Variants in LPAR4 observed in about 807,000 individuals in gnomAD.
LPAR4 encodes the protein lysophosphatidic acid receptor 4, also known as G-protein coupled receptor 23.
A neutral mutation model predicts 9.2 loss-of-function variants in LPAR4; 14 were observed. The observed-to-expected ratio is 1.51, with a 90% CI of 1.00 to 2.37. The LOEUF is 2.37. Ranked by LOEUF, LPAR4 falls within the 30% of genes most tolerant of loss-of-function variation. The pLI is 0.00. For missense variants in LPAR4, 251 were observed against 272.1 expected (o/e 0.92, Z 0.55); for synonymous variants, 131 against 97.9 (o/e 1.34, Z -1.99).
In LPAR4 at chrX:78,755,045, T is replaced by C; in HGVS notation, c.176T>C (p.Val59Ala). ...ATCTTGGGTCTGATAACCAACAGTGTCTCTCTGTTTGTCTTCTGTTTCCGC... is the reference window on the plus strand; with the variant it reads ...ATCTTGGGTCTGATAACCAACAGTGCCTCTCTGTTTGTCTTCTGTTTCCGC... ...VFILGLITNS[V>A]SLFVFCFRMK... is the part of the protein sequence containing the mutation. The change falls in exon 5 of 5, where the codon GTC (valine) becomes GCC (alanine). Residue 59 changes from valine to alanine, a missense_variant. Coordinates refer to ENST00000614823, the MANE Select transcript of LPAR4 (RefSeq NM_001278000.3). 8.3e-7 allele frequency: 1 copy of C among 1,206,146 alleles called. No individual in the cohort carries two copies. Among genetic ancestry groups the C allele is most frequent in the Non-Finnish European group, 1.1e-6 (1 of 890,318 alleles).
chrX:78,757,278 C>A lies in LPAR4; in HGVS notation c.*1296C>A, dbSNP rs776307172. Among the ~76,000 whole-genome samples the A allele has an allele frequency of 2.7e-5, 3 of 111,584 alleles. No individual in the cohort carries two copies. The South Asian group carries it at 1.1e-3, about 41-fold the overall frequency. On this transcript the variant is annotated 3_prime_UTR_variant, in exon 5 of 5. Transcript: ENST00000614823. Reference sequence around the variant, plus strand: ...AACGCAGCTACCAAGTGGCTAAATTCGTCTCCTGGTTAGGAACAAGTTGTG... The same window carrying A: ...AACGCAGCTACCAAGTGGCTAAATTAGTCTCCTGGTTAGGAACAAGTTGTG...
chrX:78,752,960 T>C (rs1925135010), intron 4 of LPAR4, among the ~76,000 whole-genome samples: 1 of 111,465 alleles, frequency 9.0e-6, no homozygotes, highest in Non-Finnish European at 1.9e-5. Context: ...AGGAAACAAT[T>C]GTGGCCACTC....
Position 78,756,177 on chromosome X carries a change from A to G in LPAR4, c.*195A>G. 1 of 405,626 alleles carries G rather than the reference A, an allele frequency of 2.5e-6. No individual in the cohort carries two copies. Among genetic ancestry groups the G allele is most frequent in the Non-Finnish European group, 4.3e-6 (1 of 231,485 alleles). 33.4% of individuals were successfully genotyped at this position (405,626 alleles called of 1,213,427 possible). Reference sequence around the variant, plus strand: ...TAGGTCAAATCTAATTACAACAACCAAGATGGATTGCCAAACTCTTCTGCT... The same window carrying G: ...TAGGTCAAATCTAATTACAACAACCGAGATGGATTGCCAAACTCTTCTGCT... On this transcript the variant is annotated 3_prime_UTR_variant, in exon 5 of 5. Coordinates refer to ENST00000614823, the MANE Select transcript of LPAR4 (RefSeq NM_001278000.3).
Position 78,756,111 on chromosome X carries a change from G to T in LPAR4, c.*129G>T. On this transcript the variant is annotated 3_prime_UTR_variant, in exon 5 of 5. Transcript: ENST00000614823. ...TCCAGTCAGATACATTTGTTTGAAG[G>T]TATACTGTAGAGTTTTTATTGCTGT... 1 of 545,480 alleles carries T rather than the reference G, an allele frequency of 1.8e-6. No individual in the cohort carries two copies. Among genetic ancestry groups the T allele is most frequent in the South Asian group, 3.4e-5 (1 of 29,723 alleles). 45.0% of individuals were successfully genotyped at this position (545,480 alleles called of 1,213,427 possible).
intron 1 of LPAR4, among the ~76,000 whole-genome samples, chrX:78,748,248 AT>A (rs1924922025): frequency 8.9e-6 from 1 of 112,184 alleles, no homozygotes; most frequent in Non-Finnish European, 1.9e-5. Context: ...GACATACAGG[AT>A]TTTCAGGCTG....
Position 78,755,725 on chromosome X carries a change from G to A in LPAR4, c.856G>A (p.Glu286Lys). 8.3e-7 allele frequency: 1 copy of A among 1,210,842 alleles called. No individual in the cohort carries two copies. Among genetic ancestry groups the A allele is most frequent in the East Asian group, 3.0e-5 (1 of 33,818 alleles). The change falls in exon 5 of 5, where the codon GAA becomes AAA. Residue 286 changes from glutamate to lysine, a missense_variant. Transcript: ENST00000614823. ...CCAAGCTATTACTAATTGCTTTTTGGAAAGATTTGCAAAGATCATGTACCC... is the reference window on the plus strand; with the variant it reads ...CCAAGCTATTACTAATTGCTTTTTGAAAAGATTTGCAAAGATCATGTACCC... ...RSQAITNCFLERFAKIMYPIT... is the reference protein window; with the variant it reads ...RSQAITNCFLKRFAKIMYPIT...
Position 78,755,961 on chromosome X carries a change from A to G in LPAR4, c.1092A>G (p.Leu364=). The part of the protein sequence containing the change: ...SDQTTNNGGE[L]MLESTF ...AAACAACAAATAATGGTGGTGAATT[A>G]ATGCTAGAATCCACCTTTTAGGTAT... The change falls in exon 5 of 5, where the codon TTA becomes TTG. Residue 364 remains leucine, a synonymous_variant. Coordinates refer to ENST00000614823, the MANE Select transcript of LPAR4 (RefSeq NM_001278000.3). 1 of 1,204,642 alleles carries G rather than the reference A, an allele frequency of 8.3e-7. No homozygotes were observed. Among genetic ancestry groups the G allele is most frequent in the Non-Finnish European group, 1.1e-6 (1 of 890,932 alleles).
intron 1 of LPAR4, chrX:78,748,989 G>A (rs1198592977): frequency 9.0e-6 from 1 of 111,625 alleles, no homozygotes; most frequent in Non-Finnish European, 1.9e-5. Flanking sequence ...TTGCCAAGAA[G>A]GATGAGTTCA....
In LPAR4 at chrX:78,755,975, C is replaced by A. The variant is rs1410544466; in HGVS notation, c.1106C>A (p.Thr369Asn). 1 of 1,196,819 alleles carries A rather than the reference C, an allele frequency of 8.4e-7. No individual in the cohort carries two copies. Among genetic ancestry groups the A allele is most frequent in the African/African-American group, 1.8e-5 (1 of 56,796 alleles). The change falls in exon 5 of 5, where the codon ACC becomes AAC. Residue 369 changes from threonine (T) to asparagine (N), a missense_variant. Coordinates refer to ENST00000614823, the MANE Select transcript of LPAR4 (RefSeq NM_001278000.3). ...NNGGELMLES[T>N]F ...GGTGGTGAATTAATGCTAGAATCCA[C>A]CTTTTAGGTATGAGAAATGTGTTCA...
At chrX:78,750,293 A>G (rs1202443548) in intron 2 of LPAR4, 70 bp downstream of exon 2, 2 of 111,307 alleles carry the variant, frequency 1.8e-5, no homozygotes, top group Admixed American at 9.6e-5. Context: ...TAGAAAAATC[A>G]TTTCAGGAGA....
rs1192906291 is a variant in LPAR4 at position 78,756,870 on chromosome X, G to C, written c.*888G>C. Reference sequence around the variant, plus strand: ...ACAGCCAGAAAGGGGCTGCATTTGTGCCCAGGTCAGGAGCAAATTGAAAAA... The same window carrying C: ...ACAGCCAGAAAGGGGCTGCATTTGTCCCCAGGTCAGGAGCAAATTGAAAAA... On this transcript the variant is annotated 3_prime_UTR_variant, in exon 5 of 5. Coordinates refer to ENST00000614823, the MANE Select transcript of LPAR4 (RefSeq NM_001278000.3). 3 of 120,823 alleles carry C rather than the reference G, an allele frequency of 2.5e-5. No homozygotes were observed. Among genetic ancestry groups the C allele is most frequent in the Non-Finnish European group, 5.7e-5 (3 of 52,557 alleles). The allele number at this position is 120,823 out of a possible 1,213,427, so 10.0% of individuals were successfully genotyped here. A position where few individuals can be genotyped will look rare whatever the true frequency, so the allele number is the denominator to read the frequency against.
intron 4 of LPAR4, among the ~76,000 whole-genome samples, chrX:78,752,814 G>T (rs1197264555): frequency 9.0e-6 from 1 of 111,470 alleles, no homozygotes; most frequent in Non-Finnish European, 1.9e-5. Flanking sequence ...TGAAAGTTTA[G>T]CACTTCATGA....
In LPAR4 at chrX:78,755,147, C is replaced by G; in HGVS notation, c.278C>G (p.Pro93Arg). Residue 93 changes from proline (P) to arginine (R), a missense_variant, in exon 5 of 5, where the codon CCT becomes CGT. Pro to Arg is a moderately radical substitution (Grantham distance 103). Coordinates refer to ENST00000614823, the MANE Select transcript of LPAR4 (RefSeq NM_001278000.3). ...VSDLLFVCTL[P>R]FKIFYNFNRH... ...GATTTGCTTTTTGTCTGTACACTAC[C>G]TTTTAAAATATTTTACAACTTCAAC... The G allele has an allele frequency of 8.3e-7, 1 of 1,210,729 alleles. No individual in the cohort carries two copies. Among genetic ancestry groups the G allele is most frequent in the Non-Finnish European group, 1.1e-6 (1 of 894,829 alleles).
intron 3 of LPAR4, 63 bp downstream of exon 3, chrX:78,750,855 T>G (rs1182058778): frequency 9.0e-6 from 1 of 111,417 alleles, no homozygotes; most frequent in Non-Finnish European, 1.9e-5. Flanking sequence ...TGCATTACCT[T>G]ATGGAAGTGG....
chrX:78,757,474 A>C lies in LPAR4; in HGVS notation c.*1492A>C, dbSNP rs902159295. Reference sequence around the variant, plus strand: ...AGCTGCTAAAATGGCACCCAGTTTAAAAGGAATTAAAAACAGTATTTTAAA... The same window carrying C: ...AGCTGCTAAAATGGCACCCAGTTTACAAGGAATTAAAAACAGTATTTTAAA... On this transcript the variant is annotated 3_prime_UTR_variant, in exon 5 of 5. Transcript: ENST00000614823. Among the ~76,000 whole-genome samples, 1 of 112,175 alleles carries C rather than the reference A, an allele frequency of 8.9e-6. No homozygotes were observed. Among genetic ancestry groups the C allele is most frequent in the Non-Finnish European group, 1.9e-5 (1 of 53,112 alleles).
At chrX:78,749,178 T>C (rs1403247737) in intron 1 of LPAR4, 1 of 112,007 alleles carries the variant, frequency 8.9e-6, no homozygotes, top group Non-Finnish European at 1.9e-5. Flanking sequence ...TAAAGCTTGA[T>C]CTATTCAATT....
chrX:78,756,794 A>C lies in LPAR4; in HGVS notation c.*812A>C, dbSNP rs1925315162. ...ATGTCACGTTATCTTCATTTTGGGA[A>C]ACTAGGTTCTATAAAATATTTATCC... is the stretch of plus-strand genomic sequence containing the variant. On this transcript the variant is annotated 3_prime_UTR_variant, in exon 5 of 5. Transcript: ENST00000614823. 8.2e-6 allele frequency: 1 copy of C among 122,159 alleles called. No homozygotes were observed. The highest frequency in any genetic ancestry group is 9.6e-5 in the Admixed American group (1 of 10,367). The allele number at this position is 122,159 out of a possible 1,213,427, so 10.1% of individuals were successfully genotyped here. A position where few individuals can be genotyped will look rare whatever the true frequency, so the allele number is the denominator to read the frequency against.
At chrX:78,753,814 T>C (rs774775343) in intron 4 of LPAR4, among the ~76,000 whole-genome samples, 1 of 112,045 alleles carries the variant, frequency 8.9e-6, no homozygotes, top group African/African-American at 3.2e-5. Context: ...TTGCTTCTAA[T>C]GCTGTGTTAA....
chrX:78,749,997 A>G (rs761132568), intron 1 of LPAR4, among the ~76,000 whole-genome samples, 177 bp from the exon 2 acceptor site: 6 of 111,693 alleles, frequency 5.4e-5, no homozygotes, highest in Non-Finnish European at 9.4e-5. Context: ...TCTATATTTA[A>G]TTAATATCAG....
Sources: allele counts gnomAD v4.1 joint callset (sites outside exome capture counted in the v4.1 genomes callset), GRCh38; gene constraint gnomAD v4.1.1; transcripts MANE v1.5; gene names NCBI Gene and HGNC (gene_info 2026-07-23, HGNC 2026-07-21).